The following ACVR2B variants were observed in gnomAD, a reference collection of about 807,000 sequenced individuals.
The protein encoded by ACVR2B is activin receptor type-2B.
In ACVR2B, 18 loss-of-function variants were observed where a neutral mutation model predicts 65.1. The observed-to-expected ratio is 0.28, with a 90% CI of 0.19 to 0.41. The LOEUF is 0.41. Ranked by LOEUF, ACVR2B falls within the 10% of genes least tolerant of loss-of-function variation. The pLI is 1.00. For missense variants in ACVR2B, 482 were observed against 682.7 expected (o/e 0.71, Z 3.28); for synonymous variants, 298 against 277.7 (o/e 1.07, Z -0.73).
At chr3:38,473,097 A>C (rs773152951) in intron 1 of ACVR2B, among the ~76,000 whole-genome samples, 1 of 151,536 alleles carries the variant, frequency 6.6e-6, no homozygotes, top group Non-Finnish European at 1.5e-5. Context: ...GCCAGGAGGG[A>C]TGGTTTGGGG....
intron 5 of ACVR2B, among the ~76,000 whole-genome samples, 184 bp downstream of exon 5, chr3:38,478,702 T>G (rs931531036): frequency 6.6e-6 from 1 of 152,168 alleles, no homozygotes; most frequent in Non-Finnish European, 1.5e-5. Flanking sequence ...AACTATGGAA[T>G]TTTATCATAG....
At position 38,491,087 on chromosome 3, in the gene ACVR2B, A is replaced by C. The variant is rs1462477437; in HGVS notation, c.*7755A>C. ...AAAAACCCACTATCCACCATAGTGC[A>C]TTTTGGGAAGATGTCTGTAGCATAT... On this transcript the variant is annotated 3_prime_UTR_variant, in exon 11 of 11. Coordinates refer to ENST00000352511, the MANE Select transcript of ACVR2B (RefSeq NM_001106.4). The C allele has an allele frequency of 6.6e-6, 1 of 152,574 alleles. No homozygotes were observed. 9.5% of individuals were successfully genotyped at this position (152,574 alleles called of 1,614,324 possible).
In ACVR2B at chr3:38,479,815, T is replaced by C. The variant is rs752905477; in HGVS notation, c.948T>C (p.Ser316=). Residue 316 remains serine (S), a synonymous_variant, in exon 7 of 11, where the codon TCT becomes TCC. Coordinates refer to ENST00000352511, the MANE Select transcript of ACVR2B (RefSeq NM_001106.4). The part of the protein sequence containing the change: ...PWCRGEGHKP[S]IAHRDFKSKN... ...GCCGTGGCGAGGGCCACAAGCCGTC[T>C]ATTGCCCACAGGTACCTGGGTCAGC... 8.1e-6 allele frequency: 13 copies of C among 1,614,176 alleles called. No individual in the cohort carries two copies. In the Admixed American group the frequency reaches 2.2e-4, roughly 27 times the overall value.
chr3:38,469,908 A>G (rs1709792173), intron 1 of ACVR2B, among the ~76,000 whole-genome samples: 1 of 152,190 alleles, frequency 6.6e-6, no homozygotes, highest in Admixed American at 6.5e-5. Flanking sequence ...AAAATTGACC[A>G]GGAAGTTTTT....
chr3:38,479,292 T>G, intron 6 of ACVR2B, 21 bp downstream of exon 6: 9 of 1,614,070 alleles, frequency 5.6e-6, no homozygotes, highest in African/African-American at 1.3e-5. Context: ...CCCATCAGAA[T>G]GGACTCTGAG....
chr3:38,491,348 C>A lies in ACVR2B; in HGVS notation c.*8016C>A, dbSNP rs1429092042. On this transcript the variant is annotated 3_prime_UTR_variant, in exon 11 of 11. Transcript: ENST00000352511. ...CTGGGCTCTCCTGCAGTCCTGTAGA[C>A]CTGCTGTTCCGCAGACCATGGGACA... 1 of 152,642 alleles carries A rather than the reference C, an allele frequency of 6.6e-6. No individual in the cohort carries two copies. Among genetic ancestry groups the A allele is most frequent in the Non-Finnish European group, 1.5e-5 (1 of 68,064 alleles). The allele number at this position is 152,642 out of a possible 1,614,324, so 9.5% of individuals were successfully genotyped here.
At position 38,481,901 on chromosome 3, in the gene ACVR2B, A is replaced by C. The variant is rs977216616; in HGVS notation, c.1075-297A>C. On this transcript the variant is annotated intron_variant, in intron 8 of 10. Coordinates refer to ENST00000352511, the MANE Select transcript of ACVR2B (RefSeq NM_001106.4). This position sits in a 1 kb window ranked among gnomAD's most constrained non-coding sequence, Gnocchi z 4.7. ...CCTTCCCTCTTTGTTTTTGGTCTTA[A>C]TCTCAGTCAGATACATATCATCTGT... Among the ~76,000 whole-genome samples, 1 of 152,196 alleles carries C rather than the reference A, an allele frequency of 6.6e-6. No homozygotes were observed. Among genetic ancestry groups the C allele is most frequent in the African/African-American group, 2.4e-5 (1 of 41,456 alleles).
In ACVR2B at chr3:38,487,999, C is replaced by T. The variant is rs774462091; in HGVS notation, c.*4667C>T. On this transcript the variant is annotated 3_prime_UTR_variant, in exon 11 of 11. Transcript: ENST00000352511. ...CAGACCATACCTTTTTAAGAAGCTC[C>T]GTGAATCTAGTCATCTACCCTTCAT... 2.6e-5 allele frequency: 4 copies of T among 152,098 alleles called. No individual in the cohort carries two copies. Among genetic ancestry groups the T allele is most frequent in the African/African-American group, 7.2e-5 (3 of 41,404 alleles). The allele number at this position is 152,098 out of a possible 1,614,324, so 9.4% of individuals were successfully genotyped here.
chr3:38,467,367 T>C (rs1342996107), intron 1 of ACVR2B, among the ~76,000 whole-genome samples: 1 of 150,462 alleles, frequency 6.6e-6, no homozygotes, highest in Non-Finnish European at 1.5e-5. Context: ...CACTCGAACA[T>C]GGGAGGCGGA....
At chr3:38,470,546 T>C (rs1379766801) in intron 1 of ACVR2B, among the ~76,000 whole-genome samples, 1 of 152,210 alleles carries the variant, frequency 6.6e-6, no homozygotes, top group Admixed American at 6.5e-5. Flanking sequence ...AATATTTTTT[T>C]TCAGTAAGGA....
chr3:38,475,738 G>A (rs1014126008), intron 1 of ACVR2B: 1 of 152,534 alleles, frequency 6.6e-6, no homozygotes, highest in Non-Finnish European at 1.5e-5. Flanking sequence ...CTACGCTAGT[G>A]TTCAGGGTAC....
At chr3:38,472,155 G>T (rs1709829005) in intron 1 of ACVR2B, among the ~76,000 whole-genome samples, 3 of 152,052 alleles carry the variant, frequency 2.0e-5, no homozygotes, top group African/African-American at 7.3e-5. Flanking sequence ...GTCTCTTCAG[G>T]TTCCCTCCAT....
At position 38,485,830 on chromosome 3, in the gene ACVR2B, AT is replaced by A. The variant is rs1413477298; in HGVS notation, c.*2499del. On this transcript the variant is annotated 3_prime_UTR_variant, in exon 11 of 11. Coordinates refer to ENST00000352511, the MANE Select transcript of ACVR2B (RefSeq NM_001106.4). The stretch of plus-strand genomic sequence containing the variant: ...TAAAATATTTATTGAAAAGTGCCAT[AT>A]CTAATTTCTTTAGCTTTCGCCTCAG... 2 of 152,500 alleles carry A rather than the reference AT, an allele frequency of 1.3e-5. No homozygotes were observed. Among genetic ancestry groups the A allele is most frequent in the African/African-American group, 4.8e-5 (2 of 41,476 alleles). 9.4% of individuals were successfully genotyped at this position (152,500 alleles called of 1,614,324 possible).
At chr3:38,462,521 A>G (rs1451136288) in intron 1 of ACVR2B, among the ~76,000 whole-genome samples, 1 of 152,224 alleles carries the variant, frequency 6.6e-6, no homozygotes, top group Non-Finnish European at 1.5e-5. Context: ...TCTGTGCTTC[A>G]TATGAATAGA....
At chr3:38,464,604 A>G (rs1239156781) in intron 1 of ACVR2B, among the ~76,000 whole-genome samples, 1 of 152,178 alleles carries the variant, frequency 6.6e-6, no homozygotes, top group Non-Finnish European at 1.5e-5. Context: ...CATAGGGGCA[A>G]CTGAGAGGCT....
intron 6 of ACVR2B, 46 bp downstream of exon 6, chr3:38,479,317 C>T: frequency 1.2e-6 from 2 of 1,613,710 alleles, no homozygotes; most frequent in East Asian, 2.2e-5. Context: ...GATGGAATGT[C>T]CCCTTGGTGG....
chr3:38,461,819 C>T (rs915525098), intron 1 of ACVR2B, among the ~76,000 whole-genome samples: 1 of 152,198 alleles, frequency 6.6e-6, no homozygotes, highest in African/African-American at 2.4e-5. Context: ...GAGGCCCCCT[C>T]CAAAGGTAAT....
rs2125731406 is a variant in ACVR2B at position 38,489,044 on chromosome 3, A to T, written c.*5712A>T. The T allele has an allele frequency of 6.6e-6, 1 of 152,408 alleles. No individual in the cohort carries two copies. The highest frequency in any genetic ancestry group is 2.1e-4 in the South Asian group (1 of 4,826). The allele number at this position is 152,408 out of a possible 1,614,324, so 9.4% of individuals were successfully genotyped here. A position where few individuals can be genotyped will look rare whatever the true frequency, so the allele number is the denominator to read the frequency against. On this transcript the variant is annotated 3_prime_UTR_variant, in exon 11 of 11. Coordinates refer to ENST00000352511, the MANE Select transcript of ACVR2B (RefSeq NM_001106.4). ...TGAGCTCACAGTTATGAAAAATATGACCCACAAGTTTTTCAGGCAGGTGAG... is the reference window on the plus strand; with the variant it reads ...TGAGCTCACAGTTATGAAAAATATGTCCCACAAGTTTTTCAGGCAGGTGAG...
rs1709939900 is a variant in ACVR2B, at chr3:38,477,862, C to G, written c.262C>G (p.Gln88Glu). The G allele has an allele frequency of 3.1e-6, 5 of 1,613,998 alleles. No homozygotes were observed. The highest frequency in any genetic ancestry group is 1.7e-5 in the Admixed American group (1 of 60,018). ...ATATGGAAAATTCTGTGCCTCCAGG[C>G]AGGAGTGTGTGGCCACTGAGGAGAA... is the stretch of plus-strand genomic sequence containing the variant. ...WLDDFNCYDR[Q>E]ECVATEENPQ... Residue 88 changes from glutamine to glutamate, a missense_variant and splice_region_variant, in exon 3 of 11, where the codon CAG becomes GAG. Coordinates refer to ENST00000352511, the MANE Select transcript of ACVR2B (RefSeq NM_001106.4). The surrounding 1 kb of genome is among the most constrained non-coding windows in gnomAD (Gnocchi z 6.7).
Sources: allele counts gnomAD v4.1 joint callset (sites outside exome capture counted in the v4.1 genomes callset), GRCh38; gene constraint gnomAD v4.1.1; non-coding constraint Gnocchi (gnomAD v3.1); transcripts MANE v1.5; gene names NCBI Gene and HGNC (gene_info 2026-07-23, HGNC 2026-07-21).